The following PCSK5 variants were observed in gnomAD, a reference collection of about 807,000 sequenced individuals.
PCSK5 encodes prohormone convertase 5.
PCSK5 carries 129 observed loss-of-function variants against 233.2 expected under a neutral mutation model. That is an observed-to-expected ratio of 0.55 (90% CI 0.48 to 0.64). The LOEUF (loss-of-function observed/expected upper bound fraction) is 0.64, where lower values mean the gene tolerates loss of function less well. Among genes scored for constraint, PCSK5 ranks in the 30% least tolerant of loss-of-function variants. The probability of loss-of-function intolerance (pLI) is 0.00; values close to 1 mark genes in which losing one functional copy is unlikely to be tolerated. For missense variants in PCSK5, 2,076 were observed against 2,430.1 expected, an observed-to-expected ratio of 0.85 and a Z score of 3.06; for synonymous variants, 825 against 879.2, an observed-to-expected ratio of 0.94 and a Z score of 1.09.
chr9:76,189,241 CT>C lies in PCSK5; in HGVS notation c.2510+19del. 1 of 1,608,630 alleles carries C rather than the reference CT, an allele frequency of 6.2e-7. No individual in the cohort carries two copies. Among genetic ancestry groups the C allele is most frequent in the Non-Finnish European group, 8.5e-7 (1 of 1,177,956 alleles). On this transcript the variant is annotated intron_variant, in intron 19 of 37. Transcript: ENST00000674117. ...TGCAAAAAGTAAGTGGATCTGCCCC[CT>C]GGGCCCTAGCATTTAGACCTAAGTT...
chr9:75,916,973 A>T (rs960696680), intron 1 of PCSK5, among the ~76,000 whole-genome samples: 1 of 152,134 alleles, frequency 6.6e-6, no homozygotes, highest in African/African-American at 2.4e-5. Context: ...GTTCGAGACC[A>T]GCCTGACCAA....
rs116057461 is a variant in PCSK5 at position 76,055,642 on chromosome 9, C to G, written c.633-12313C>G. Among the ~76,000 whole-genome samples the G allele has an allele frequency of 6.8e-3, 1,034 of 152,146 alleles. 14 individuals carry two copies. The highest frequency in any genetic ancestry group is 0.024 in the African/African-American group (1,000 of 41,498). ...ATATAGTCACTGCTCCTCCACAGAG[C>G]ATTGATAGTAGGCAAAAAGTAGGGT... On this transcript the variant is annotated intron_variant, in intron 5 of 37. Coordinates refer to ENST00000674117, the MANE Select transcript of PCSK5 (RefSeq NM_001372043.1).
In PCSK5 at chr9:76,310,754, G is replaced by A; in HGVS notation, c.3787G>A (p.Ala1263Thr). 1 of 1,612,474 alleles carries A rather than the reference G, an allele frequency of 6.2e-7. No individual in the cohort carries two copies. Among genetic ancestry groups the A allele is most frequent in the Non-Finnish European group, 8.5e-7 (1 of 1,179,662 alleles). The change falls in exon 30 of 38, where the codon GCC (alanine) becomes ACC (threonine). Residue 1263 changes from alanine to threonine, a missense_variant. This residue lies in a region of PCSK5 where 1,510 missense variants were observed against 1,538.1 expected (regional missense o/e 0.98). Transcript: ENST00000674117. Reference sequence around the variant, plus strand: ...CTGCGAGAACTGTACGGAGGCCTGTGCCATCTGCTCTGGAGCCGATCTTTG... The same window carrying A: ...CTGCGAGAACTGTACGGAGGCCTGTACCATCTGCTCTGGAGCCGATCTTTG... ...GSCENCTEAC[A>T]ICSGADLCKK...
chr9:76,059,329 A>G (rs183540663), intron 5 of PCSK5, among the ~76,000 whole-genome samples: 22 of 152,284 alleles, frequency 1.4e-4, no homozygotes, highest in African/African-American at 5.1e-4. Context: ...CTCTGATGGT[A>G]GTTTCTTTTG....
At chr9:76,180,104 T>TATAC (rs373590869) in intron 15 of PCSK5, among the ~76,000 whole-genome samples, 83 of 144,928 alleles carry the variant, frequency 5.7e-4, no homozygotes, top group Middle Eastern at 3.6e-3. Flanking sequence ...TATATATATA[T>TATAC]ACACACACAC....
intron 1 of PCSK5, among the ~76,000 whole-genome samples, chr9:75,925,516 C>T (rs887230540): frequency 1.1e-4 from 16 of 152,088 alleles, no homozygotes; most frequent in Admixed American, 5.2e-4. Context: ...GGGGAAAGAC[C>T]GACAATAAAT....
At chr9:75,985,659 A>G (rs1826479376) in intron 2 of PCSK5, among the ~76,000 whole-genome samples, 1 of 152,190 alleles carries the variant, frequency 6.6e-6, no homozygotes, top group Non-Finnish European at 1.5e-5. Context: ...ACACATTCAC[A>G]CCCATTCATT....
At chr9:75,928,297 T>C (rs538547143) in intron 1 of PCSK5, among the ~76,000 whole-genome samples, 141 of 152,238 alleles carry the variant, frequency 9.3e-4, no homozygotes, top group African/African-American at 3.3e-3. Flanking sequence ...TAGTTATATA[T>C]TGTTCCTTGT....
At chr9:75,918,969 A>G (rs1392272214) in intron 1 of PCSK5, among the ~76,000 whole-genome samples, 1 of 152,184 alleles carries the variant, frequency 6.6e-6, no homozygotes, top group African/African-American at 2.4e-5. Flanking sequence ...AAAAAAAATC[A>G]GGTTTATTGA....
chr9:76,273,287 G>T (rs984731007), intron 24 of PCSK5, among the ~76,000 whole-genome samples: 2 of 151,966 alleles, frequency 1.3e-5, no homozygotes, highest in African/African-American at 2.4e-5. Context: ...TTAGCAAATT[G>T]TTCAGAATCC....
At chr9:76,334,119 C>G (rs957875031) in intron 34 of PCSK5, among the ~76,000 whole-genome samples, 3 of 152,002 alleles carry the variant, frequency 2.0e-5, no homozygotes, top group African/African-American at 7.2e-5. Flanking sequence ...CCAGGCGAAA[C>G]GGGTTTCTCC....
chr9:75,963,058 G>T (rs937358356), intron 2 of PCSK5, among the ~76,000 whole-genome samples: 2 of 152,092 alleles, frequency 1.3e-5, no homozygotes, highest in Non-Finnish European at 2.9e-5. Flanking sequence ...TAATACTGTT[G>T]TATGAATAAA....
chr9:76,119,124 G>A (rs1162809723), intron 9 of PCSK5, among the ~76,000 whole-genome samples: 4 of 151,854 alleles, frequency 2.6e-5, no homozygotes, highest in Non-Finnish European at 5.9e-5. Flanking sequence ...GAATTGTGAG[G>A]ACTAGTATTC....
intron 3 of PCSK5, among the ~76,000 whole-genome samples, chr9:76,015,350 G>C (rs772854650): frequency 2.6e-5 from 4 of 152,156 alleles, no homozygotes; most frequent in Non-Finnish European, 5.9e-5. Context: ...CTGGAAGCAC[G>C]TGCACAGACA....
intron 20 of PCSK5, among the ~76,000 whole-genome samples, chr9:76,204,546 C>G (rs1318816957): frequency 6.6e-6 from 1 of 151,990 alleles, no homozygotes; most frequent in East Asian, 1.9e-4. Flanking sequence ...GGCCAAGCCT[C>G]CCCGCACTGG....
intron 20 of PCSK5, among the ~76,000 whole-genome samples, chr9:76,198,928 T>G (rs922220502): frequency 1.3e-5 from 2 of 152,102 alleles, no homozygotes; most frequent in Non-Finnish European, 2.9e-5. Context: ...ACTACAAGCT[T>G]CCCAAGGACT....
At chr9:76,148,637 C>G (rs1823548715) in intron 10 of PCSK5, among the ~76,000 whole-genome samples, 1 of 152,282 alleles carries the variant, frequency 6.6e-6, no homozygotes, top group East Asian at 1.9e-4. Context: ...AGGGGATACC[C>G]TTCTGTCCAT....
At chr9:76,096,178 C>CAA (rs1831499471) in intron 8 of PCSK5, 76 bp downstream of exon 8, 1 of 696,710 alleles carries the variant, frequency 1.4e-6, no homozygotes, top group African/African-American at 1.9e-5. Flanking sequence ...GAACCATAAA[C>CAA]ATATATATAT....
intron 2 of PCSK5, among the ~76,000 whole-genome samples, chr9:75,957,260 G>A (rs1048565474): frequency 6.6e-6 from 1 of 152,184 alleles, no homozygotes; most frequent in Non-Finnish European, 1.5e-5. Flanking sequence ...CAGGCCAAGT[G>A]ATCCATAAGA....
Sources: allele counts gnomAD v4.1 joint callset (sites outside exome capture counted in the v4.1 genomes callset), GRCh38; gene constraint gnomAD v4.1.1; regional missense constraint gnomAD v4.1.1; transcripts MANE v1.5; gene names NCBI Gene and HGNC (gene_info 2026-07-23, HGNC 2026-07-21).